PDE11A: variants seen among roughly 807,000 people sequenced by gnomAD.
The protein encoded by PDE11A is phosphodiesterase 11A, also known as dual 3',5'-cyclic-AMP and -GMP phosphodiesterase 11A.
In PDE11A, 100 loss-of-function variants were observed where a neutral mutation model predicts 100.5. That is an observed-to-expected ratio of 1.00 (90% CI 0.85 to 1.18). The LOEUF is 1.18. Ranked by LOEUF, PDE11A falls within the 50% of genes most tolerant of loss-of-function variation. The pLI, the probability that PDE11A is intolerant of heterozygous loss-of-function variation, is 0.00. For synonymous variants in PDE11A, 381 were observed against 420.8 expected (o/e 0.91, Z 1.16); for missense variants, 1,141 against 1,152.6 (o/e 0.99, Z 0.15).
At chr2:177,752,252 T>C (rs879789707) in intron 10 of PDE11A, among the ~76,000 whole-genome samples, 1 of 152,244 alleles carries the variant, frequency 6.6e-6, no homozygotes, top group Non-Finnish European at 1.5e-5. Context: ...GAAGGGTTAA[T>C]GCTGTGGTGA....
chr2:178,078,058 G>A (rs995957475), intron 2 of PDE11A, among the ~76,000 whole-genome samples: 1 of 151,994 alleles, frequency 6.6e-6, no homozygotes, highest in Non-Finnish European at 1.5e-5. Context: ...CCTAGGAAAC[G>A]AATGCAAGAG....
intron 15 of PDE11A, among the ~76,000 whole-genome samples, chr2:177,696,762 G>A (rs2105532336): frequency 6.6e-6 from 1 of 152,262 alleles, no homozygotes; most frequent in South Asian, 2.1e-4. Context: ...AGAAAATTGT[G>A]CAAATGAGTG....
At chr2:177,633,619 TC>T (rs957498859) in intron 19 of PDE11A, among the ~76,000 whole-genome samples, 25 of 152,308 alleles carry the variant, frequency 1.6e-4, no homozygotes, top group Admixed American at 7.2e-4. Context: ...ACATTGTAAC[TC>T]CAGCAGCGAT....
intron 10 of PDE11A, among the ~76,000 whole-genome samples, chr2:177,739,597 A>G (rs944145679): frequency 1.4e-4 from 21 of 152,140 alleles, no homozygotes; most frequent in Non-Finnish European, 2.5e-4. Context: ...AATATAAACA[A>G]TTTCCCATCC....
At chr2:177,670,911 A>G (rs924308553) in intron 17 of PDE11A, among the ~76,000 whole-genome samples, 5 of 152,140 alleles carry the variant, frequency 3.3e-5, no homozygotes, top group African/African-American at 1.2e-4. Context: ...TGACTGAAAA[A>G]TCCCCTTCAC....
intron 5 of PDE11A, among the ~76,000 whole-genome samples, chr2:177,842,181 G>A (rs2083502501): frequency 6.6e-6 from 1 of 152,210 alleles, no homozygotes; most frequent in African/African-American, 2.4e-5. Context: ...CCGTTTCGAA[G>A]CTGCTGACCT....
intron 19 of PDE11A, among the ~76,000 whole-genome samples, chr2:177,634,521 C>G (rs150073777): frequency 6.6e-6 from 1 of 151,720 alleles, no homozygotes; most frequent in Non-Finnish European, 1.5e-5. Context: ...CCGAGCAGCT[C>G]GGACTACAGG....
chr2:178,074,077 TCGAA>T (rs1480068503), upstream of PDE11A, among the ~76,000 whole-genome samples: 3 of 152,176 alleles, frequency 2.0e-5, no homozygotes, highest in Non-Finnish European at 4.4e-5. Flanking sequence ...GTGCTAGTAC[TCGAA>T]TGAAGCTTAA....
At chr2:178,003,654 G>T (rs2086171150) in intron 2 of PDE11A, among the ~76,000 whole-genome samples, 1 of 152,044 alleles carries the variant, frequency 6.6e-6, no homozygotes, top group South Asian at 2.1e-4. Context: ...ATTGAGTGTG[G>T]TGATGGTTTA....
At chr2:178,061,243 G>T (rs779099646) in intron 1 of PDE11A, among the ~76,000 whole-genome samples, 6 of 152,058 alleles carry the variant, frequency 3.9e-5, no homozygotes, top group Admixed American at 3.9e-4. Context: ...GTCGGGCAGT[G>T]GGGGTGTGAT....
chr2:178,091,331 A>G (rs2105883679), intron 2 of PDE11A, among the ~76,000 whole-genome samples: 1 of 152,296 alleles, frequency 6.6e-6, no homozygotes, highest in East Asian at 1.9e-4. Flanking sequence ...TCGGCCTCCC[A>G]AAGTGCTGGG....
At chr2:177,857,827 TA>T (rs924940323) in intron 5 of PDE11A, among the ~76,000 whole-genome samples, 1 of 151,670 alleles carries the variant, frequency 6.6e-6, no homozygotes, top group African/African-American at 2.4e-5. Context: ...TGGGTTAAAA[TA>T]AAAAAATGGA....
intron 2 of PDE11A, among the ~76,000 whole-genome samples, chr2:177,991,925 G>A (rs545524755): frequency 8.6e-5 from 13 of 151,228 alleles, no homozygotes; most frequent in African/African-American, 1.2e-4. Context: ...GCTCCAGTCC[G>A]ACAAGAGACC....
At chr2:177,948,004 G>C (rs923845243) in intron 2 of PDE11A, among the ~76,000 whole-genome samples, 2 of 151,502 alleles carry the variant, frequency 1.3e-5, no homozygotes, top group Non-Finnish European at 2.9e-5. Context: ...ATAGATGGTA[G>C]GCAGGTAGGT....
intron 1 of PDE11A, chr2:178,018,132 GCA>G: frequency 1.1e-4 from 33 of 286,994 alleles, no homozygotes; most frequent in South Asian, 3.1e-4. Context: ...GTGGAGCACA[GCA>G]TGTTCACCTG....
intron 15 of PDE11A, among the ~76,000 whole-genome samples, chr2:177,684,635 A>T (rs2080915600): frequency 6.6e-6 from 1 of 152,170 alleles, no homozygotes; most frequent in Non-Finnish European, 1.5e-5. Context: ...ACCTTGCTGG[A>T]CTTCAGTTTT....
chr2:177,689,461 G>A (rs982460224), intron 15 of PDE11A, among the ~76,000 whole-genome samples: 5 of 152,046 alleles, frequency 3.3e-5, no homozygotes, highest in Admixed American at 3.3e-4. Flanking sequence ...CGGTGAGTGG[G>A]TGCTTTTGGT....
intron 19 of PDE11A, among the ~76,000 whole-genome samples, chr2:177,644,561 G>GC (rs1487713385): frequency 1.3e-5 from 2 of 152,200 alleles, no homozygotes; most frequent in Non-Finnish European, 2.9e-5. Context: ...GAAGGGATTT[G>GC]CCTTATCTCA....
chr2:177,948,084 TATGTATACACTAC>T (rs2085466249), intron 2 of PDE11A, among the ~76,000 whole-genome samples: 1 of 152,130 alleles, frequency 6.6e-6, no homozygotes, highest in Non-Finnish European at 1.5e-5. Context: ...CATGTGTGTA[TATGTATACACTAC>T]GTTTTCATTT....
Sources: gnomAD v4.1 joint callset for allele counts (sites outside exome capture counted in the v4.1 genomes callset) on GRCh38, gnomAD v4.1.1 for gene constraint, MANE v1.5 for transcripts, NCBI Gene and HGNC (gene_info 2026-07-23, HGNC 2026-07-21) for gene names.